The following KPNB1 variants were observed in gnomAD, a reference collection of about 807,000 sequenced individuals.
The protein encoded by KPNB1 is karyopherin subunit beta 1.
Under a neutral mutation model 113.0 loss-of-function variants are expected in KPNB1, and 7 were observed. That is an observed-to-expected ratio of 0.06 (90% CI 0.04 to 0.12). The LOEUF is 0.12. Among genes scored for constraint, KPNB1 ranks in the 10% least tolerant of loss-of-function variants. The probability of loss-of-function intolerance (pLI) is 1.00; values close to 1 mark genes in which losing one functional copy is unlikely to be tolerated. For missense variants in KPNB1, 400 were observed against 1,054.8 expected, an observed-to-expected ratio of 0.38 and a Z score of 8.60; for synonymous variants, 363 against 378.6, an observed-to-expected ratio of 0.96 and a Z score of 0.48.
At chr17:47,674,424 T>C (rs1352289825) in intron 14 of KPNB1, among the ~76,000 whole-genome samples, 2 of 152,096 alleles carry the variant, frequency 1.3e-5, no homozygotes, top group Non-Finnish European at 2.9e-5. Flanking sequence ...CAACGGAGGA[T>C]CAGCTCACGT....
chr17:47,666,927 T>C (rs530561504), intron 9 of KPNB1, among the ~76,000 whole-genome samples: 2 of 152,178 alleles, frequency 1.3e-5, no homozygotes, highest in East Asian at 1.9e-4. Context: ...TCCTTTCTTA[T>C]ATTTTTATTG....
At chr17:47,661,896 CACAA>C (rs1309976485) in intron 6 of KPNB1, among the ~76,000 whole-genome samples, 2 of 152,166 alleles carry the variant, frequency 1.3e-5, no homozygotes, top group African/African-American at 2.4e-5. Context: ...AATATATATA[CACAA>C]ACAGTTAAGG....
At position 47,683,925 on chromosome 17, in the gene KPNB1, TC is replaced by T. The variant is rs2030871828; in HGVS notation, c.*1524del. ...TACCATAAATCAGACTTAATTATTTTCCCTTTTACAAGGGAACAGGGCATCC... is the reference window on the plus strand; with the variant it reads ...TACCATAAATCAGACTTAATTATTTTCCTTTTACAAGGGAACAGGGCATCC... On this transcript the variant is annotated 3_prime_UTR_variant, in exon 22 of 22. Coordinates refer to ENST00000290158, the MANE Select transcript of KPNB1 (RefSeq NM_002265.6). 6.6e-6 allele frequency: 1 copy of T among 152,238 alleles called. No homozygotes were observed. The highest frequency in any genetic ancestry group is 1.5e-5 in the Non-Finnish European group (1 of 68,034). The allele number at this position is 152,238 out of a possible 1,614,324, so 9.4% of individuals were successfully genotyped here.
intron 13 of KPNB1, 118 bp downstream of exon 13, chr17:47,673,283 G>A: frequency 9.1e-7 from 1 of 1,102,656 alleles, no homozygotes. Flanking sequence ...TTCTCAGAAA[G>A]ATAATAAAGC....
chr17:47,678,883 C>T (rs2030690701), intron 19 of KPNB1, among the ~76,000 whole-genome samples: 1 of 152,176 alleles, frequency 6.6e-6, no homozygotes, highest in African/African-American at 2.4e-5. Flanking sequence ...GCTGGGATTA[C>T]AGGCTTGAGC....
intron 8 of KPNB1, 117 bp downstream of exon 8, chr17:47,664,386 C>A: frequency 2.9e-6 from 2 of 685,036 alleles, no homozygotes; most frequent in South Asian, 1.8e-5. Flanking sequence ...TCTCCATTGG[C>A]AGAGATTTTG....
Position 47,683,173 on chromosome 17 carries a change from G to C in KPNB1, c.*769G>C. The C allele has an allele frequency of 8.6e-6, 1 of 116,118 alleles. No homozygotes were observed. The highest frequency in any genetic ancestry group is 2.9e-4 in the South Asian group (1 of 3,406). 7.2% of individuals were successfully genotyped at this position (116,118 alleles called of 1,614,324 possible). On this transcript the variant is annotated 3_prime_UTR_variant, in exon 22 of 22. Transcript: ENST00000290158. ...GGTTTTGTTTTGTTTTTTTTTTTTG[G>C]TTTTGTTTTTTGTTTTTTTTACTCT...
chr17:47,676,629 C>T, intron 16 of KPNB1, 138 bp downstream of exon 16: 1 of 652,212 alleles, frequency 1.5e-6, no homozygotes, highest in South Asian at 1.8e-5. Context: ...TATTCATTGC[C>T]TGAACGTTTG....
chr17:47,650,176 A>G lies in KPNB1; in HGVS notation c.-69A>G. 2 of 953,732 alleles carry G rather than the reference A, an allele frequency of 2.1e-6. No homozygotes were observed. The highest frequency in any genetic ancestry group is 2.4e-6 in the Non-Finnish European group (2 of 817,256). 59.1% of individuals were successfully genotyped at this position (953,732 alleles called of 1,614,324 possible). A position where few individuals can be genotyped will look rare whatever the true frequency, so the allele number is the denominator to read the frequency against. On this transcript the variant is annotated 5_prime_UTR_variant, in exon 1 of 22. Coordinates refer to ENST00000290158, the MANE Select transcript of KPNB1 (RefSeq NM_002265.6). ...CACCCGACCCCCAACCCCCATCCCC[A>G]GTTCGAGCCGCCGCCCGAAAGGCCG...
chr17:47,659,219 T>G (rs1386060453), intron 5 of KPNB1, among the ~76,000 whole-genome samples: 1 of 151,926 alleles, frequency 6.6e-6, no homozygotes, highest in Non-Finnish European at 1.5e-5. Context: ...TGTGGTGGCG[T>G]GCGCCTGTAA....
At chr17:47,663,492 C>T (rs1450705839) in intron 7 of KPNB1, among the ~76,000 whole-genome samples, 1 of 151,876 alleles carries the variant, frequency 6.6e-6, no homozygotes, top group African/African-American at 2.4e-5. Flanking sequence ...GGTGAAACCC[C>T]GTCTATACTG....
chr17:47,668,535 T>G (rs1408904431), intron 10 of KPNB1, 125 bp downstream of exon 10: 1 of 732,726 alleles, frequency 1.4e-6, no homozygotes, highest in Non-Finnish European at 2.3e-6. Flanking sequence ...GATACTTGTT[T>G]ACTTTTAATG....
chr17:47,668,490 A>C, intron 10 of KPNB1, 80 bp downstream of exon 10: 1 of 1,121,234 alleles, frequency 8.9e-7, no homozygotes, highest in East Asian at 2.5e-5. Flanking sequence ...TTTCAAAACA[A>C]AACTGTAAAT....
At chr17:47,665,179 A>G (rs765735437) in intron 9 of KPNB1, 21 bp downstream of exon 9, 8 of 1,553,104 alleles carry the variant, frequency 5.2e-6, no homozygotes. Flanking sequence ...TTCCAAATAT[A>G]GGTAGGTAAG....
chr17:47,677,278 G>T lies in KPNB1; in HGVS notation c.2103+151G>T, dbSNP rs559763532. On this transcript the variant is annotated intron_variant, in intron 17 of 21. Coordinates refer to ENST00000290158, the MANE Select transcript of KPNB1 (RefSeq NM_002265.6). ...CAGGCCAGGAGTTCGAGACCAACCTGGACAACATGGTGAAACCCCGTCTGT... is the reference window on the plus strand; with the variant it reads ...CAGGCCAGGAGTTCGAGACCAACCTTGACAACATGGTGAAACCCCGTCTGT... The T allele has an allele frequency of 2.3e-4, 141 of 620,128 alleles. 3 individuals carry two copies. In the South Asian group the frequency reaches 2.7e-3, roughly 12 times the overall value. 38.4% of individuals were successfully genotyped at this position (620,128 alleles called of 1,614,324 possible). A position where few individuals can be genotyped will look rare whatever the true frequency, so the allele number is the denominator to read the frequency against.
intron 21 of KPNB1, among the ~76,000 whole-genome samples, 169 bp downstream of exon 21, chr17:47,680,838 GT>G (rs1456375405): frequency 6.6e-6 from 1 of 152,170 alleles, no homozygotes; most frequent in Admixed American, 6.5e-5. Context: ...TGAGCCAAAT[GT>G]TTGACTCCTC....
Position 47,657,075 on chromosome 17 carries a change from A to C in KPNB1, c.483+15A>C. 6.2e-7 allele frequency: 1 copy of C among 1,608,398 alleles called. No homozygotes were observed. Among genetic ancestry groups the C allele is most frequent in the Non-Finnish European group, 8.5e-7 (1 of 1,176,018 alleles). The stretch of plus-strand genomic sequence containing the variant: ...GCCAAGATATAGTAAGTGCTTGCCT[A>C]ATGTATCTGGTTTATATACCTCTGA... On this transcript the variant is annotated intron_variant, in intron 4 of 21. Coordinates refer to ENST00000290158, the MANE Select transcript of KPNB1 (RefSeq NM_002265.6).
At chr17:47,656,332 G>A (rs201263132) in intron 3 of KPNB1, among the ~76,000 whole-genome samples, 1 of 152,020 alleles carries the variant, frequency 6.6e-6, no homozygotes, top group Non-Finnish European at 1.5e-5. Flanking sequence ...ACTTTGGGAG[G>A]CCAGGAATTT....
intron 3 of KPNB1, among the ~76,000 whole-genome samples, chr17:47,656,008 C>T (rs1285297388): frequency 2.0e-5 from 3 of 152,204 alleles, no homozygotes; most frequent in Non-Finnish European, 2.9e-5. Flanking sequence ...CATCCCAGTA[C>T]TTTGGTAGGC....
Sources: allele counts gnomAD v4.1 joint callset (sites outside exome capture counted in the v4.1 genomes callset), GRCh38; gene constraint gnomAD v4.1.1; transcripts MANE v1.5; gene names NCBI Gene and HGNC (gene_info 2026-07-23, HGNC 2026-07-21).